FAM53B: variants seen among roughly 807,000 people sequenced by gnomAD.
FAM53B encodes the protein protein FAM53B.
A neutral mutation model predicts 32.7 loss-of-function variants in FAM53B; 12 were observed. That is an observed-to-expected ratio of 0.37 (90% CI 0.24 to 0.59). The LOEUF is 0.59. Ranked by LOEUF, FAM53B falls within the 20% of genes least tolerant of loss-of-function variation. FAM53B has a pLI of 0.72. For missense variants in FAM53B, 477 were observed against 577.7 expected, an observed-to-expected ratio of 0.83 and a Z score of 1.79; for synonymous variants, 234 against 228.7, an observed-to-expected ratio of 1.02 and a Z score of -0.21.
intron 1 of FAM53B, among the ~76,000 whole-genome samples, chr10:124,721,712 G>A (rs980422281): frequency 2.0e-5 from 3 of 152,218 alleles, no homozygotes; most frequent in South Asian, 2.1e-4. Flanking sequence ...AGAGATGAGC[G>A]TAAAACATAA....
intron 1 of FAM53B, among the ~76,000 whole-genome samples, chr10:124,719,557 T>A (rs1019866328): frequency 6.6e-6 from 1 of 152,168 alleles, no homozygotes; most frequent in Non-Finnish European, 1.5e-5. Context: ...AAACAAAGAT[T>A]CATTCTATTG....
intron 4 of FAM53B, among the ~76,000 whole-genome samples, chr10:124,661,753 G>A (rs1949632585): frequency 6.6e-6 from 1 of 152,232 alleles, no homozygotes; most frequent in African/African-American, 2.4e-5. Context: ...TTTGGACACT[G>A]CTCGTTGTCC....
At chr10:124,663,337 G>A (rs544538138) in intron 4 of FAM53B, among the ~76,000 whole-genome samples, 12 of 152,310 alleles carry the variant, frequency 7.9e-5, no homozygotes, top group South Asian at 2.1e-4. Context: ...CACTGCCCTC[G>A]TTCCTAGGAA....
At chr10:124,648,405 C>T (rs1187070012) in intron 4 of FAM53B, among the ~76,000 whole-genome samples, 1 of 152,238 alleles carries the variant, frequency 6.6e-6, no homozygotes, top group African/African-American at 2.4e-5. Flanking sequence ...GTAGGATGGG[C>T]TGCGGCCTGC....
intron 4 of FAM53B, among the ~76,000 whole-genome samples, chr10:124,632,270 T>C (rs1176874681): frequency 1.3e-5 from 2 of 152,230 alleles, no homozygotes; most frequent in African/African-American, 4.8e-5. Flanking sequence ...CTCTCACAAT[T>C]GGAAAACAAA....
rs139972068 is a variant in FAM53B at position 124,620,355 on chromosome 10, G to GCACCCC, written c.*2886_*2887insGGGGTG. ...ATGAGTGGGGTGCATGTGGCACTAA[G>GCACCCC]CCCCCCCCACCGCCCCGGCTTTCCT... On this transcript the variant is annotated 3_prime_UTR_variant, in exon 5 of 5. Transcript: ENST00000337318. 3.1e-5 allele frequency: 4 copies of GCACCCC among 130,708 alleles called. No individual in the cohort carries two copies. Among genetic ancestry groups the GCACCCC allele is most frequent in the African/African-American group, 8.8e-5 (3 of 33,934 alleles). The allele number at this position is 130,708 out of a possible 1,614,324, so 8.1% of individuals were successfully genotyped here. A position where few individuals can be genotyped will look rare whatever the true frequency, so the allele number is the denominator to read the frequency against.
intron 3 of FAM53B, among the ~76,000 whole-genome samples, chr10:124,695,546 C>G (rs1033264563): frequency 2.0e-5 from 3 of 152,184 alleles, no homozygotes; most frequent in Admixed American, 2.0e-4. Flanking sequence ...GAATTAGGCA[C>G]TTACCTAGCC....
In FAM53B at chr10:124,623,566, T is replaced by G; in HGVS notation, c.945A>C (p.Ala315=). The stretch of plus-strand genomic sequence containing the variant: ...TCTGGGGACCGCAGTCCTCTGTCCC[T>G]GCGCTCAGGCAGCTGAGGCTGCTGA... ...QTFSSLSCLS[A]GTEDCGPQSP... is the part of the protein sequence containing the mutation. The change falls in exon 5 of 5, where the codon GCA becomes GCC. Residue 315 remains alanine, a synonymous_variant. Transcript: ENST00000337318. 1 of 1,605,626 alleles carries G rather than the reference T, an allele frequency of 6.2e-7. No homozygotes were observed. The highest frequency in any genetic ancestry group is 1.1e-5 in the South Asian group (1 of 89,750).
intron 1 of FAM53B, among the ~76,000 whole-genome samples, chr10:124,731,139 A>G (rs898335976): frequency 2.6e-5 from 4 of 152,234 alleles, no homozygotes; most frequent in African/African-American, 4.8e-5. Context: ...TTCTTCATCT[A>G]TAAAAAGGGA....
intron 1 of FAM53B, among the ~76,000 whole-genome samples, chr10:124,717,252 G>A (rs1204843257): frequency 6.6e-6 from 1 of 152,154 alleles, no homozygotes; most frequent in Non-Finnish European, 1.5e-5. Flanking sequence ...TCTGACTAGT[G>A]AGACTCTAAC....
rs1950154997 is a variant in FAM53B at position 124,733,186 on chromosome 10, A to C, written c.-175+10827T>G. ...AAACCCTACCAGCCTTGGAAAACACACCCCCCAAAGCTAAGATGGGCTGCT... is the reference window on the plus strand; with the variant it reads ...AAACCCTACCAGCCTTGGAAAACACCCCCCCCAAAGCTAAGATGGGCTGCT... On this transcript the variant is annotated intron_variant, in intron 1 of 4. Transcript: ENST00000337318. This position sits in a 1 kb window ranked among gnomAD's most constrained non-coding sequence, Gnocchi z 4.3. 6.6e-6 allele frequency among the ~76,000 whole-genome samples: 1 copy of C among 151,870 alleles called. No homozygotes were observed.
intron 4 of FAM53B, 46 bp from the exon 5 acceptor site, chr10:124,623,650 C>A (rs772033440): frequency 1.3e-6 from 2 of 1,564,526 alleles, no homozygotes; most frequent in Admixed American, 1.8e-5. Flanking sequence ...ACTCCCCTCC[C>A]GCAGCCCCAG....
At chr10:124,692,698 G>A (rs867123869) in intron 3 of FAM53B, among the ~76,000 whole-genome samples, 131 of 114,090 alleles carry the variant, frequency 1.1e-3, no homozygotes, top group African/African-American at 4.2e-3. Flanking sequence ...CTAGGAGACA[G>A]AGCGATACTC....
chr10:124,655,061 T>C (rs1949579527), intron 4 of FAM53B, among the ~76,000 whole-genome samples: 1 of 152,146 alleles, frequency 6.6e-6, no homozygotes, highest in African/African-American at 2.4e-5. Context: ...CCGTTTTAGA[T>C]GATGGCAACA....
chr10:124,713,450 A>G (rs1351815223), intron 1 of FAM53B: 1 of 152,192 alleles, frequency 6.6e-6, no homozygotes, highest in African/African-American at 2.4e-5. Context: ...ATGTGTCTTC[A>G]TTTGTTTGCA....
intron 1 of FAM53B, among the ~76,000 whole-genome samples, chr10:124,714,369 C>T (rs940579046): frequency 5.3e-5 from 8 of 152,048 alleles, no homozygotes; most frequent in South Asian, 2.1e-4. Flanking sequence ...AACATTTCAA[C>T]GACTCCCACA....
chr10:124,700,069 C>T (rs928144007), intron 2 of FAM53B, among the ~76,000 whole-genome samples: 1 of 152,224 alleles, frequency 6.6e-6, no homozygotes, highest in Non-Finnish European at 1.5e-5. Context: ...TTCTGAGCCC[C>T]ATCCGTGAGG....
intron 4 of FAM53B, among the ~76,000 whole-genome samples, chr10:124,627,739 C>G (rs1949364189): frequency 6.6e-6 from 1 of 152,194 alleles, no homozygotes; most frequent in Admixed American, 6.5e-5. Context: ...TAGACCTCAG[C>G]TCTAGCCACC....
At chr10:124,670,533 C>A (rs968377999) in intron 4 of FAM53B, among the ~76,000 whole-genome samples, 18 of 152,198 alleles carry the variant, frequency 1.2e-4, no homozygotes, top group African/African-American at 4.3e-4. Flanking sequence ...AACCTGTCCC[C>A]CCAGCTTCAC....
Sources: allele counts gnomAD v4.1 joint callset (sites outside exome capture counted in the v4.1 genomes callset), GRCh38; gene constraint gnomAD v4.1.1; non-coding constraint Gnocchi (gnomAD v3.1); transcripts MANE v1.5; gene names NCBI Gene and HGNC (gene_info 2026-07-23, HGNC 2026-07-21).